ODAD4: variants seen among roughly 807,000 people sequenced by gnomAD.
ODAD4 encodes outer dynein arm-docking complex subunit 4.
ODAD4 carries 49 observed loss-of-function variants against 51.8 expected under a neutral mutation model. That is an observed-to-expected ratio of 0.95 (90% CI 0.75 to 1.20). The LOEUF is 1.20. Ranked by LOEUF, ODAD4 falls within the 50% of genes most tolerant of loss-of-function variation. The pLI, the probability that ODAD4 is intolerant of heterozygous loss-of-function variation, is 0.00. For synonymous variants in ODAD4, 235 were observed against 221.3 expected, an observed-to-expected ratio of 1.06 and a Z score of -0.55; for missense variants, 590 against 586.5, an observed-to-expected ratio of 1.01 and a Z score of -0.06.
intron 8 of ODAD4, among the ~76,000 whole-genome samples, chr17:41,945,548 A>T (rs905566645): frequency 6.6e-6 from 1 of 152,088 alleles, no homozygotes; most frequent in East Asian, 1.9e-4. Context: ...ACAGGTCTGC[A>T]GCAACCTCAA....
In ODAD4 at chr17:41,936,865, G is replaced by T. The variant is rs781810922; in HGVS notation, c.563G>T (p.Arg188Leu). 31 of 1,613,830 alleles carry T rather than the reference G, an allele frequency of 1.9e-5. No individual in the cohort carries two copies. Among genetic ancestry groups the T allele is most frequent in the East Asian group, 4.5e-5 (2 of 44,894 alleles). ...TCGCTCAAGAGTGAGAAGACTGTCC[G>T]CCAGCTTCTGGGGGAGCTCTACGTG... ...KASLKSEKTV[R>L]QLLGELYVDK... Residue 188 changes from arginine (R) to leucine (L), a missense_variant, in exon 5 of 12, where the codon CGC (arginine) becomes CTC (leucine). By Grantham distance (102) the Arg-to-Leu change is moderately radical (BLOSUM62 -2). This residue lies in a region of ODAD4 where 360 missense variants were observed against 407.5 expected (regional missense o/e 0.88). Coordinates refer to ENST00000377540, the MANE Select transcript of ODAD4 (RefSeq NM_031421.5).
chr17:41,935,380 C>T (rs2144490627), intron 2 of ODAD4, 32 bp downstream of exon 2: 1 of 1,606,730 alleles, frequency 6.2e-7, no homozygotes, highest in Non-Finnish European at 8.5e-7. Context: ...CTGGATCCTG[C>T]CATTGCCTGT....
intron 7 of ODAD4, among the ~76,000 whole-genome samples, chr17:41,939,636 A>T (rs1555638437): frequency 6.6e-6 from 1 of 152,214 alleles, no homozygotes; most frequent in Non-Finnish European, 1.5e-5. Context: ...ACATTCCAGG[A>T]GGACTTGATG....
intron 10 of ODAD4, among the ~76,000 whole-genome samples, chr17:41,957,900 G>A (rs1033471388): frequency 2.8e-4 from 43 of 152,034 alleles, no homozygotes; most frequent in African/African-American, 9.9e-4. Context: ...TAAGTATCTG[G>A]GACTACAGGT....
intron 10 of ODAD4, among the ~76,000 whole-genome samples, chr17:41,956,449 G>A (rs554831320): frequency 9.4e-5 from 14 of 148,916 alleles, no homozygotes; most frequent in Non-Finnish European, 1.5e-4. Flanking sequence ...GCCTTCCAAA[G>A]TGATGGTATT....
At chr17:41,964,008 T>G (rs577120781) in intron 11 of ODAD4, among the ~76,000 whole-genome samples, 67 of 152,114 alleles carry the variant, frequency 4.4e-4, no homozygotes, top group African/African-American at 1.6e-3. Flanking sequence ...GTGATTCTCC[T>G]GCCTCAGCCT....
chr17:41,944,447 C>CA (rs1403123288), intron 7 of ODAD4, among the ~76,000 whole-genome samples: 1 of 7,770 alleles, frequency 1.3e-4, no homozygotes, highest in African/African-American at 2.7e-4. Context: ...CACACACACC[C>CA]CCCCGCATAC....
At chr17:41,945,794 G>A (rs1441588224) in intron 8 of ODAD4, among the ~76,000 whole-genome samples, 5 of 152,158 alleles carry the variant, frequency 3.3e-5, no homozygotes, top group East Asian at 3.9e-4. Context: ...CCAGCTGCTC[G>A]GGAGGCTGAG....
chr17:41,932,546 GT>G (rs1267368362), intron 1 of ODAD4, among the ~76,000 whole-genome samples: 1 of 150,844 alleles, frequency 6.6e-6, no homozygotes, highest in Non-Finnish European at 1.5e-5. Flanking sequence ...TTTTTTTTTT[GT>G]TTGTTTGTTT....
intron 1 of ODAD4, among the ~76,000 whole-genome samples, chr17:41,934,040 T>TTC (rs2050389736): frequency 2.2e-5 from 2 of 92,254 alleles, no homozygotes; most frequent in Admixed American, 9.8e-5. Flanking sequence ...CTTTCTTTCT[T>TTC]TTTTTTTTTT....
Position 41,930,826 on chromosome 17 carries a change from A to T in ODAD4, c.103A>T (p.Ser35Cys), listed in dbSNP as rs1555636667. 2 of 1,521,628 alleles carry T rather than the reference A, an allele frequency of 1.3e-6. No homozygotes were observed. The highest frequency in any genetic ancestry group is 2.3e-5 in the South Asian group (2 of 86,924). The allele number at this position is 1,521,628 out of a possible 1,614,324, so 94.3% of individuals were successfully genotyped here. Residue 35 changes from serine (S) to cysteine (C), a missense_variant, in exon 1 of 12, where the codon AGC becomes TGC. By Grantham distance (112) the Ser-to-Cys change is moderately radical (BLOSUM62 -1). Coordinates refer to ENST00000377540, the MANE Select transcript of ODAD4 (RefSeq NM_031421.5). ...LCGEFSKAAQ[S>C]FSNALYLQDG... ...CGGGGAATTTTCTAAAGCCGCGCAG[A>T]GCTTCAGCAACGTGAGTCGAGCTCT...
chr17:41,933,754 C>A (rs71373470), intron 1 of ODAD4, among the ~76,000 whole-genome samples: 5,235 of 151,764 alleles, frequency 0.034, 327 homozygotes, highest in African/African-American at 0.12. Flanking sequence ...TCGGAGATTG[C>A]AGTGAGCAGA....
chr17:41,953,330 A>C (rs1567936901), intron 9 of ODAD4, among the ~76,000 whole-genome samples: 1 of 152,106 alleles, frequency 6.6e-6, no homozygotes, highest in Non-Finnish European at 1.5e-5. Context: ...AATTGTTGGG[A>C]TTACAGGTGT....
chr17:41,943,095 G>A (rs995913651), intron 7 of ODAD4, among the ~76,000 whole-genome samples: 3 of 152,098 alleles, frequency 2.0e-5, no homozygotes, highest in Non-Finnish European at 4.4e-5. Flanking sequence ...GGTACTGAGA[G>A]CAAAACCTGA....
Position 41,930,798 on chromosome 17 carries a change from G to A in ODAD4, c.75G>A (p.Leu25=), listed in dbSNP as rs782492278. 1 of 1,604,884 alleles carries A rather than the reference G, an allele frequency of 6.2e-7. No individual in the cohort carries two copies. Among genetic ancestry groups the A allele is most frequent in the South Asian group, 1.1e-5 (1 of 89,398 alleles). Residue 25 remains leucine (L), a synonymous_variant, in exon 1 of 12, where the codon CTG becomes CTA. Transcript: ENST00000377540. ...TGGCCGAAGGCGAGCGGCTCTACCT[G>A]TGCGGGGAATTTTCTAAAGCCGCGC... is the stretch of plus-strand genomic sequence containing the variant. ...SYMAEGERLY[L]CGEFSKAAQS...
chr17:41,930,660 C>A lies in ODAD4; in HGVS notation c.-64C>A, dbSNP rs1372687922. On this transcript the variant is annotated 5_prime_UTR_variant, in exon 1 of 12. Transcript: ENST00000377540. ...GCTAAGAAACGGAGCTTCCACAAAC[C>A]AGATAGAGGTTCTCCAGCTTTTCTT... 2.8e-6 allele frequency: 3 copies of A among 1,085,750 alleles called. No homozygotes were observed. The highest frequency in any genetic ancestry group is 2.1e-5 in the Admixed American group (1 of 48,246). The allele number at this position is 1,085,750 out of a possible 1,614,324, so 67.3% of individuals were successfully genotyped here.
chr17:41,933,967 A>G (rs28631681), intron 1 of ODAD4, among the ~76,000 whole-genome samples: 130,727 of 147,884 alleles, frequency 0.88, 58,124 homozygotes, highest in East Asian at 1. Flanking sequence ...TCATTTTCCT[A>G]GCATTTTCTT....
intron 7 of ODAD4, among the ~76,000 whole-genome samples, chr17:41,943,636 T>C (rs1443197646): frequency 6.6e-6 from 1 of 152,228 alleles, no homozygotes; most frequent in Non-Finnish European, 1.5e-5. Flanking sequence ...TCACTTCTTT[T>C]GTGATTCTTC....
At chr17:41,943,163 G>A (rs568380115) in intron 7 of ODAD4, among the ~76,000 whole-genome samples, 1 of 152,310 alleles carries the variant, frequency 6.6e-6, no homozygotes, top group East Asian at 1.9e-4. Context: ...GTTGGAATGT[G>A]TCCTCTGGCT....
Sources: allele counts gnomAD v4.1 joint callset (sites outside exome capture counted in the v4.1 genomes callset), GRCh38; gene constraint gnomAD v4.1.1; regional missense constraint gnomAD v4.1.1; transcripts MANE v1.5; gene names NCBI Gene and HGNC (gene_info 2026-07-23, HGNC 2026-07-21).